RNASE8: variants seen among roughly 807,000 people sequenced by gnomAD.
RNASE8 encodes ribonuclease 8.
For synonymous variants in RNASE8, 68 were observed against 74.1 expected, an observed-to-expected ratio of 0.92 and a Z score of 0.42; for missense variants, 179 against 187.9, an observed-to-expected ratio of 0.95 and a Z score of 0.28.
In RNASE8 at chr14:21,057,838, T is replaced by C; in HGVS notation, c.-55T>C. 6.8e-7 allele frequency: 1 copy of C among 1,474,212 alleles called. No homozygotes were observed. Among genetic ancestry groups the C allele is most frequent in the East Asian group, 2.3e-5 (1 of 43,824 alleles). 91.3% of individuals were successfully genotyped at this position (1,474,212 alleles called of 1,614,324 possible). On this transcript the variant is annotated 5_prime_UTR_variant, in exon 1 of 1. An upstream start codon of the reference 5' UTR is lost. Transcript: ENST00000308227. ...AAGGACTAACAAGACTCCCCCATGATGACCTATTCATCCACCTACCTCCTC... is the reference window on the plus strand; with the variant it reads ...AAGGACTAACAAGACTCCCCCATGACGACCTATTCATCCACCTACCTCCTC...
In RNASE8 at chr14:21,057,959, G is replaced by A. The variant is rs1440228935; in HGVS notation, c.67G>A (p.Val23Ile). ...LLLLGLWVAE[V>I]LVRAKPKDMT... is the part of the protein sequence containing the mutation. ...GCTTCTGGGGCTGTGGGTGGCAGAG[G>A]TCCTAGTCAGAGCCAAGCCCAAGGA... is the stretch of plus-strand genomic sequence containing the variant. Residue 23 changes from valine to isoleucine, a missense_variant, in exon 1 of 1, where the codon GTC becomes ATC. Transcript: ENST00000308227. The A allele has an allele frequency of 1.2e-6, 2 of 1,613,984 alleles. No individual in the cohort carries two copies. Among genetic ancestry groups the A allele is most frequent in the Non-Finnish European group, 1.7e-6 (2 of 1,180,024 alleles).
At chr14:21,057,910 AG>A in the RNASE8 span, 1 of 1,613,826 alleles carries the variant, frequency 6.2e-7, no homozygotes, top group African/African-American at 1.3e-5. Flanking sequence ...CGGCCAGAGC[AG>A]GATGCTGCCC....
rs373492271 is a variant in RNASE8 at position 21,058,025 on chromosome 14, C to A, written c.133C>A (p.Pro45Thr). 83 of 1,613,978 alleles carry A rather than the reference C, an allele frequency of 5.1e-5. No individual in the cohort carries two copies. The highest frequency in any genetic ancestry group is 1.0e-4 in the Admixed American group (6 of 59,988). ...SQWFKTQHVQ[P>T]SPQACNSAMS... is the part of the protein sequence containing the mutation. ...GTGGTTTAAAACTCAGCATGTGCAG[C>A]CCAGCCCTCAAGCATGCAACTCAGC... The change falls in exon 1 of 1, where the codon CCC becomes ACC. Residue 45 changes from proline (P) to threonine (T), a missense_variant. Pro to Thr is a conservative substitution (Grantham distance 38). Coordinates refer to ENST00000308227, the MANE Select transcript of RNASE8 (RefSeq NM_138331.2).
chr14:21,058,021 G>A lies in RNASE8; in HGVS notation c.129G>A (p.Val43=), dbSNP rs1342185400. 2.2e-5 allele frequency: 36 copies of A among 1,613,990 alleles called. No individual in the cohort carries two copies. Among genetic ancestry groups the A allele is most frequent in the Non-Finnish European group, 2.8e-5 (33 of 1,180,032 alleles). ...CTCAGTGGTTTAAAACTCAGCATGT[G>A]CAGCCCAGCCCTCAAGCATGCAACT... ...TSSQWFKTQH[V]QPSPQACNSA... The change falls in exon 1 of 1, where the codon GTG becomes GTA. Residue 43 remains valine (V), a synonymous_variant. Transcript: ENST00000308227.
chr14:21,058,178 TGCCACCAGA>T lies in RNASE8; in HGVS notation c.292_300del (p.Gln98_His100del), dbSNP rs1280155267. On this transcript the variant is annotated inframe_deletion, in exon 1 of 1. Coordinates refer to ENST00000308227, the MANE Select transcript of RNASE8 (RefSeq NM_138331.2). ...AGCCTGCAAGAATAGCTGTAAAAAC[TGCCACCAGA>T]GCCACGGGCCCATGTCCCTGACCAT... 1.2e-6 allele frequency: 2 copies of T among 1,614,038 alleles called. No homozygotes were observed. Among genetic ancestry groups the T allele is most frequent in the Non-Finnish European group, 1.7e-6 (2 of 1,180,006 alleles).
rs1449208432 is a variant in RNASE8, at chr14:21,057,883, C to A, written c.-10C>A. 6.2e-7 allele frequency: 1 copy of A among 1,611,950 alleles called. No individual in the cohort carries two copies. On this transcript the variant is annotated 5_prime_UTR_variant, in exon 1 of 1. Transcript: ENST00000308227. ...CTCCTCACTCTGTTCCACTGTCTCC[C>A]TTAAGAGAGATGGCACCGGCCAGAG...
the RNASE8 span, chr14:21,058,228 AG>A: frequency 6.2e-7 from 1 of 1,614,156 alleles, no homozygotes; most frequent in Non-Finnish European, 8.5e-7. Context: ...AGCTCACCTC[AG>A]GGAAGTACCC....
At position 21,058,368 on chromosome 14, in the gene RNASE8, C is replaced by T. The variant is rs1447227853; in HGVS notation, c.*11C>T. 2.6e-5 allele frequency: 41 copies of T among 1,557,380 alleles called. No individual in the cohort carries two copies. The highest frequency in any genetic ancestry group is 3.5e-5 in the Non-Finnish European group (40 of 1,137,868). On this transcript the variant is annotated 3_prime_UTR_variant, in exon 1 of 1. Coordinates refer to ENST00000308227, the MANE Select transcript of RNASE8 (RefSeq NM_138331.2). Reference sequence around the variant, plus strand: ...GATAAAGTTGTCTAAGCCCTGGTGCCCACGTTCCACCTCACACTCTGCAGA... The same window carrying T: ...GATAAAGTTGTCTAAGCCCTGGTGCTCACGTTCCACCTCACACTCTGCAGA...
At position 21,058,356 on chromosome 14, in the gene RNASE8, A is replaced by C; in HGVS notation, c.464A>C (p.Ter155SerextTer?). Residue 155 changes from the stop codon to serine (S), a stop_lost, in exon 1 of 1, where the codon TAA (stop) becomes TCA (serine). Transcript: ENST00000308227. ...CCTGTGCACTTGGATAAAGTTGTCT[A>C]AGCCCTGGTGCCCACGTTCCACCTC... is the stretch of plus-strand genomic sequence containing the variant. ...LVPVHLDKVV[*>S] 6.3e-7 allele frequency: 1 copy of C among 1,599,764 alleles called. No individual in the cohort carries two copies. Among genetic ancestry groups the C allele is most frequent in the Non-Finnish European group, 8.5e-7 (1 of 1,171,578 alleles).
Position 21,058,289 on chromosome 14 carries a change from T to C in RNASE8, c.397T>C (p.Cys133Arg). ...CCTGAACACACCTTACATAGTGGCC[T>C]GTGACCCTCCACAACAGGGTGACCC... is the stretch of plus-strand genomic sequence containing the variant. ...KHLNTPYIVACDPPQQGDPGY... is the reference protein window; with the variant it reads ...KHLNTPYIVARDPPQQGDPGY... The change falls in exon 1 of 1, where the codon TGT becomes CGT. Residue 133 changes from cysteine to arginine, a missense_variant. Cys to Arg is a radical substitution (Grantham distance 180). Coordinates refer to ENST00000308227, the MANE Select transcript of RNASE8 (RefSeq NM_138331.2). The C allele has an allele frequency of 6.2e-7, 1 of 1,614,186 alleles. No individual in the cohort carries two copies. The highest frequency in any genetic ancestry group is 2.2e-5 in the East Asian group (1 of 44,876).
Position 21,058,040 on chromosome 14 carries a change from T to C in RNASE8, c.148T>C (p.Cys50Arg), listed in dbSNP as rs1458858942. ...TQHVQPSPQA[C>R]NSAMSIINKY... is the part of the protein sequence containing the mutation. Reference sequence around the variant, plus strand: ...GCATGTGCAGCCCAGCCCTCAAGCATGCAACTCAGCCATGAGCATCATCAA... The same window carrying C: ...GCATGTGCAGCCCAGCCCTCAAGCACGCAACTCAGCCATGAGCATCATCAA... Residue 50 changes from cysteine to arginine, a missense_variant, in exon 1 of 1, where the codon TGC becomes CGC. Transcript: ENST00000308227. The C allele has an allele frequency of 1.4e-5, 22 of 1,613,980 alleles. No individual in the cohort carries two copies. Among genetic ancestry groups the C allele is most frequent in the Non-Finnish European group, 1.8e-5 (21 of 1,180,030 alleles).
At position 21,058,245 on chromosome 14, in the gene RNASE8, G is replaced by T. The variant is rs1163085303; in HGVS notation, c.353G>T (p.Cys118Phe). 2 of 1,614,146 alleles carry T rather than the reference G, an allele frequency of 1.2e-6. No homozygotes were observed. Among genetic ancestry groups the T allele is most frequent in the Non-Finnish European group, 8.5e-7 (1 of 1,180,006 alleles). ...CTCACCTCAGGGAAGTACCCAAACT[G>T]CAGGTACAAAGAGAAGCACCTGAAC... ...GELTSGKYPN[C>F]RYKEKHLNTP... The change falls in exon 1 of 1, where the codon TGC becomes TTC. Residue 118 changes from cysteine to phenylalanine, a missense_variant. Transcript: ENST00000308227.
In RNASE8 at chr14:21,058,381, C is replaced by T; in HGVS notation, c.*24C>T. ...AAGCCCTGGTGCCCACGTTCCACCT[C>T]ACACTCTGCAGACTGTATGCTGCTG... On this transcript the variant is annotated 3_prime_UTR_variant, in exon 1 of 1. Coordinates refer to ENST00000308227, the MANE Select transcript of RNASE8 (RefSeq NM_138331.2). The T allele has an allele frequency of 6.6e-7, 1 of 1,508,128 alleles. No homozygotes were observed. The highest frequency in any genetic ancestry group is 9.1e-7 in the Non-Finnish European group (1 of 1,097,212). The allele number at this position is 1,508,128 out of a possible 1,614,324, so 93.4% of individuals were successfully genotyped here.
Position 21,057,914 on chromosome 14 carries a change from T to G in RNASE8, c.22T>G (p.Cys8Gly). 2 of 1,613,964 alleles carry G rather than the reference T, an allele frequency of 1.2e-6. No individual in the cohort carries two copies. The highest frequency in any genetic ancestry group is 1.7e-6 in the Non-Finnish European group (2 of 1,179,974). Residue 8 changes from cysteine to glycine, a missense_variant, in exon 1 of 1, where the codon TGC becomes GGC. Transcript: ENST00000308227. ...AGAGATGGCACCGGCCAGAGCAGGA[T>G]GCTGCCCCCTGCTGCTGCTGCTTCT... MAPARAG[C>G]CPLLLLLLGL...
chr14:21,058,192 C>G lies in RNASE8; in HGVS notation c.300C>G (p.His100Gln), dbSNP rs77979750. The G allele has an allele frequency of 1.2e-6, 2 of 1,614,190 alleles. No homozygotes were observed. The highest frequency in any genetic ancestry group is 1.3e-5 in the African/African-American group (1 of 75,028). ...KNSCKNCHQS[H>Q]GPMSLTMGEL... ...GCTGTAAAAACTGCCACCAGAGCCACGGGCCCATGTCCCTGACCATGGGTG... is the reference window on the plus strand; with the variant it reads ...GCTGTAAAAACTGCCACCAGAGCCAGGGGCCCATGTCCCTGACCATGGGTG... Residue 100 changes from histidine to glutamine, a missense_variant, in exon 1 of 1, where the codon CAC becomes CAG. His to Gln is a conservative substitution (Grantham distance 24, BLOSUM62 0). Coordinates refer to ENST00000308227, the MANE Select transcript of RNASE8 (RefSeq NM_138331.2).
In RNASE8 at chr14:21,058,106, C is replaced by G. The variant is rs1885763953; in HGVS notation, c.214C>G (p.His72Asp). 2 of 1,614,212 alleles carry G rather than the reference C, an allele frequency of 1.2e-6. No individual in the cohort carries two copies. The highest frequency in any genetic ancestry group is 2.7e-5 in the African/African-American group (2 of 75,040). The change falls in exon 1 of 1, where the codon CAC becomes GAC. Residue 72 changes from histidine (H) to aspartate (D), a missense_variant. His to Asp is a moderately conservative substitution (Grantham distance 81, BLOSUM62 -1). Coordinates refer to ENST00000308227, the MANE Select transcript of RNASE8 (RefSeq NM_138331.2). ...ERCKDLNTFL[H>D]EPFSSVAITC... ...GTGCAAAGACCTCAACACCTTCCTG[C>G]ACGAGCCCTTCTCCAGTGTGGCCAT...
At position 21,057,835 on chromosome 14, in the gene RNASE8, T is replaced by C. The variant is rs1479571556; in HGVS notation, c.-58T>C. ...TAGAAGGACTAACAAGACTCCCCCA[T>C]GATGACCTATTCATCCACCTACCTC... is the stretch of plus-strand genomic sequence containing the variant. On this transcript the variant is annotated 5_prime_UTR_variant, in exon 1 of 1. It removes an upstream start codon present in the reference 5' UTR. Coordinates refer to ENST00000308227, the MANE Select transcript of RNASE8 (RefSeq NM_138331.2). The C allele has an allele frequency of 1.4e-6, 2 of 1,460,088 alleles. No individual in the cohort carries two copies. Among genetic ancestry groups the C allele is most frequent in the Non-Finnish European group, 1.9e-6 (2 of 1,057,648 alleles). 90.4% of individuals were successfully genotyped at this position (1,460,088 alleles called of 1,614,324 possible).
In RNASE8 at chr14:21,058,195, G is replaced by A. The variant is rs1885769302; in HGVS notation, c.303G>A (p.Gly101=). The A allele has an allele frequency of 6.2e-7, 1 of 1,613,984 alleles. No individual in the cohort carries two copies. The highest frequency in any genetic ancestry group is 1.7e-5 in the Admixed American group (1 of 59,998). The change falls in exon 1 of 1, where the codon GGG becomes GGA. Residue 101 remains glycine (G), a synonymous_variant. Coordinates refer to ENST00000308227, the MANE Select transcript of RNASE8 (RefSeq NM_138331.2). The part of the protein sequence containing the change: ...NSCKNCHQSH[G]PMSLTMGELT... ...GTAAAAACTGCCACCAGAGCCACGG[G>A]CCCATGTCCCTGACCATGGGTGAGC... is the stretch of plus-strand genomic sequence containing the variant.
At position 21,058,413 on chromosome 14, in the gene RNASE8, C is replaced by G; in HGVS notation, c.*56C>G. The G allele has an allele frequency of 7.8e-7, 1 of 1,290,260 alleles. No homozygotes were observed. The highest frequency in any genetic ancestry group is 1.4e-5 in the South Asian group (1 of 72,822). 79.9% of individuals were successfully genotyped at this position (1,290,260 alleles called of 1,614,324 possible). A position where few individuals can be genotyped will look rare whatever the true frequency, so the allele number is the denominator to read the frequency against. On this transcript the variant is annotated 3_prime_UTR_variant, in exon 1 of 1. Coordinates refer to ENST00000308227, the MANE Select transcript of RNASE8 (RefSeq NM_138331.2). The stretch of plus-strand genomic sequence containing the variant: ...TGCAGACTGTATGCTGCTGCTTTTC[C>G]TCCCTCCAGTTCGTTATTAATCCTT...
Sources: allele counts gnomAD v4.1 joint callset, GRCh38; gene constraint gnomAD v4.1.1; transcripts MANE v1.5; gene names NCBI Gene and HGNC (gene_info 2026-07-23, HGNC 2026-07-21).